Variants in SLAMF1 observed in about 807,000 individuals in gnomAD.
SLAMF1 encodes the protein signaling lymphocytic activation molecule family member 1.
In SLAMF1, 18 loss-of-function variants were observed where a neutral mutation model predicts 35.1. The ratio of observed to expected loss-of-function variants is 0.51; its 90% CI spans 0.35 to 0.76. SLAMF1 has a LOEUF of 0.76. Ranked by LOEUF, SLAMF1 falls within the 30% of genes least tolerant of loss-of-function variation. The pLI is 0.01. For missense variants in SLAMF1, 392 were observed against 413.0 expected, an observed-to-expected ratio of 0.95 and a Z score of 0.44; for synonymous variants, 168 against 157.2, an observed-to-expected ratio of 1.07 and a Z score of -0.51.
chr1:160,637,667 C>T (rs1660529700), intron 1 of SLAMF1, 138 bp from the exon 2 acceptor site: 2 of 620,376 alleles, frequency 3.2e-6, no homozygotes, highest in South Asian at 2.0e-5. Context: ...CCTTCGTGGT[C>T]TATAAGAACT....
intron 5 of SLAMF1, among the ~76,000 whole-genome samples, chr1:160,614,635 C>T (rs1005632564): frequency 7.9e-5 from 12 of 151,698 alleles, no homozygotes; most frequent in African/African-American, 2.9e-4. Flanking sequence ...GCTGGTCTTC[C>T]TGTTTGGGAG....
At chr1:160,641,332 TC>T (rs1327734717) in intron 1 of SLAMF1, among the ~76,000 whole-genome samples, 1 of 151,794 alleles carries the variant, frequency 6.6e-6, no homozygotes, top group Non-Finnish European at 1.5e-5. Flanking sequence ...TCGCCACCAC[TC>T]CCCAAAATGG....
chr1:160,618,051 C>T (rs1045382119), intron 5 of SLAMF1, among the ~76,000 whole-genome samples: 10 of 151,422 alleles, frequency 6.6e-5, no homozygotes, highest in Non-Finnish European at 8.8e-5. Flanking sequence ...CCAGCCTGGG[C>T]GATAAAGCAA....
intron 3 of SLAMF1, among the ~76,000 whole-genome samples, chr1:160,630,165 C>T (rs1475720153): frequency 6.6e-6 from 1 of 152,144 alleles, no homozygotes; most frequent in African/African-American, 2.4e-5. Flanking sequence ...TCGAGGATGG[C>T]AGCAAGTCAC....
intron 1 of SLAMF1, among the ~76,000 whole-genome samples, chr1:160,639,479 G>A (rs1315121517): frequency 3.9e-5 from 6 of 151,952 alleles, no homozygotes; most frequent in Non-Finnish European, 5.9e-5. Flanking sequence ...TGCCCGCCTC[G>A]GCCTCCCAAA....
chr1:160,632,102 C>T (rs959973489), intron 3 of SLAMF1, among the ~76,000 whole-genome samples: 1 of 152,064 alleles, frequency 6.6e-6, no homozygotes, highest in Admixed American at 6.5e-5. Context: ...AGACTTCTAG[C>T]CTCCAGAACT....
intron 3 of SLAMF1, among the ~76,000 whole-genome samples, chr1:160,630,612 G>A (rs1660115937): frequency 6.6e-6 from 1 of 152,106 alleles, no homozygotes; most frequent in East Asian, 1.9e-4. Context: ...AAATGTCTTT[G>A]TTAACTGACA....
At chr1:160,634,405 C>T (rs933795060) in intron 3 of SLAMF1, 30 of 984,352 alleles carry the variant, frequency 3.0e-5, no homozygotes, top group East Asian at 1.1e-4. Context: ...CTGTTGGTTT[C>T]GTCAACTGTG....
At chr1:160,623,655 C>A in intron 4 of SLAMF1, 1 of 399,924 alleles carries the variant, frequency 2.5e-6, no homozygotes. Flanking sequence ...GGGGATGGTA[C>A]CTCTAGGCAC....
Position 160,610,443 on chromosome 1 carries a change from C to A in SLAMF1, c.*305G>T. The A allele has an allele frequency of 2.0e-6, 1 of 494,728 alleles. No individual in the cohort carries two copies. The highest frequency in any genetic ancestry group is 3.9e-6 in the Non-Finnish European group (1 of 255,324). 30.6% of individuals were successfully genotyped at this position (494,728 alleles called of 1,614,324 possible). On this transcript the variant is annotated 3_prime_UTR_variant, in exon 7 of 7. Transcript: ENST00000302035. ...TCCAGTTCCAGCCAAGAGCAAGATG[C>A]CCAAAGTCTGAACTCACATTACTGT... is the stretch of plus-strand genomic sequence containing the variant.
chr1:160,628,255 T>G (rs765037931), intron 3 of SLAMF1, among the ~76,000 whole-genome samples: 2 of 152,204 alleles, frequency 1.3e-5, no homozygotes, highest in African/African-American at 2.4e-5. Context: ...TGCTGAAGAT[T>G]GAAGGGTCCC....
chr1:160,614,474 G>A (rs964431827), intron 5 of SLAMF1, among the ~76,000 whole-genome samples: 1 of 151,792 alleles, frequency 6.6e-6, no homozygotes, highest in Admixed American at 6.6e-5. Flanking sequence ...CTCAGGAGGC[G>A]GAGGCAGGAG....
rs538831154 is a variant in SLAMF1 at position 160,608,218 on chromosome 1, A to G, written c.*2530T>C. On this transcript the variant is annotated 3_prime_UTR_variant, in exon 7 of 7. Transcript: ENST00000302035. ...CAGCCAGCACACACCACCCGCTGTA[A>G]CAATCACATCCCCGCTGTGTGAATG... The G allele has an allele frequency of 6.6e-6, 1 of 152,378 alleles. No homozygotes were observed. Among genetic ancestry groups the G allele is most frequent in the African/African-American group, 2.4e-5 (1 of 41,584 alleles). The allele number at this position is 152,378 out of a possible 1,614,324, so 9.4% of individuals were successfully genotyped here.
intron 3 of SLAMF1, among the ~76,000 whole-genome samples, chr1:160,630,040 C>G (rs1660086142): frequency 6.6e-6 from 1 of 152,192 alleles, no homozygotes; most frequent in Non-Finnish European, 1.5e-5. Flanking sequence ...AGGTGCTGAG[C>G]CAGCGGTTTG....
rs531881382 is a variant in SLAMF1 at position 160,641,493 on chromosome 1, C to T, written c.77-3964G>A. On this transcript the variant is annotated intron_variant, in intron 1 of 6. Transcript: ENST00000302035. ...TAAAAAAATAAAAAAATAAAATAAA[C>T]GAAAGAACATAGAAGGAGAAAGAGG... is the stretch of plus-strand genomic sequence containing the variant. 5.9e-5 allele frequency among the ~76,000 whole-genome samples: 9 copies of T among 151,700 alleles called. No homozygotes were observed. In the South Asian group the frequency reaches 1.7e-3, roughly 28 times the overall value.
At chr1:160,628,858 T>G (rs1441227383) in intron 3 of SLAMF1, among the ~76,000 whole-genome samples, 1 of 152,194 alleles carries the variant, frequency 6.6e-6, no homozygotes, top group African/African-American at 2.4e-5. Context: ...AGGAGGCAAG[T>G]GTGTGTCTGT....
At chr1:160,638,722 G>A (rs1366060993) in intron 1 of SLAMF1, among the ~76,000 whole-genome samples, 1 of 152,108 alleles carries the variant, frequency 6.6e-6, no homozygotes, top group African/African-American at 2.4e-5. Context: ...CAAGGTCACT[G>A]TCTACTCCAC....
intron 1 of SLAMF1, among the ~76,000 whole-genome samples, chr1:160,643,507 A>T (rs1558017760): frequency 1.3e-5 from 2 of 152,192 alleles, no homozygotes. Flanking sequence ...ATAACTACAG[A>T]TTTAATTCTT....
Position 160,646,978 on chromosome 1 carries a change from G to A in SLAMF1, c.-33C>T, listed in dbSNP as rs12076998. On this transcript the variant is annotated 5_prime_UTR_variant, in exon 1 of 7. Coordinates refer to ENST00000302035, the MANE Select transcript of SLAMF1 (RefSeq NM_003037.5). The stretch of plus-strand genomic sequence containing the variant: ...TGAGGAGAAGGAAGGGATCCTGGCC[G>A]GAGCCTGGCAGCTGCTCACAGATGC... The A allele has an allele frequency of 0.064, 79,048 of 1,227,172 alleles. 2,883 individuals carry two copies. Among genetic ancestry groups the A allele is most frequent in the African/African-American group, 0.1 (7,071 of 68,224 alleles). The allele number at this position is 1,227,172 out of a possible 1,614,324, so 76.0% of individuals were successfully genotyped here. A position where few individuals can be genotyped will look rare whatever the true frequency, so the allele number is the denominator to read the frequency against.
Sources: allele counts gnomAD v4.1 joint callset (sites outside exome capture counted in the v4.1 genomes callset), GRCh38; gene constraint gnomAD v4.1.1; transcripts MANE v1.5; gene names NCBI Gene and HGNC (gene_info 2026-07-23, HGNC 2026-07-21).